Variants in NUP160 observed in about 807,000 individuals in gnomAD.
The protein encoded by NUP160 is nucleoporin 160, also known as nuclear pore complex protein Nup160.
Under a neutral mutation model 196.9 loss-of-function variants are expected in NUP160, and 94 were observed. The observed-to-expected ratio is 0.48, with a 90% CI of 0.40 to 0.57. NUP160 has a LOEUF of 0.57. NUP160 is among the 20% of genes least tolerant of loss of function. The pLI is 0.00. For missense variants in NUP160, 1,638 were observed against 1,748.3 expected, an observed-to-expected ratio of 0.94 and a Z score of 1.13; for synonymous variants, 605 against 619.7, an observed-to-expected ratio of 0.98 and a Z score of 0.35.
At chr11:47,840,650 A>T (rs960138886) in intron 2 of NUP160, 62 bp from the exon 3 acceptor site, 8 of 1,325,980 alleles carry the variant, frequency 6.0e-6, no homozygotes, top group Non-Finnish European at 8.3e-6. Context: ...GTTCTACTGA[A>T]ATATATGAGA....
At position 47,788,209 on chromosome 11, in the gene NUP160, G is replaced by A. The variant is rs535059681; in HGVS notation, c.3719C>T (p.Thr1240Met). 5.3e-5 allele frequency: 85 copies of A among 1,613,672 alleles called. No individual in the cohort carries two copies. The highest frequency in any genetic ancestry group is 1.6e-4 in the Middle Eastern group (1 of 6,062). The change falls in exon 31 of 36, where the codon ACG becomes ATG. Residue 1240 changes from threonine (T) to methionine (M), a missense_variant. Physicochemically the swap from Thr to Met is moderately conservative, Grantham distance 81 (BLOSUM62 -1). Coordinates refer to ENST00000378460, the Ensembl canonical transcript of NUP160. ...GAAGGCAAGCCCTTCAAAGACTGGCGTTAAGGGAAGCTTAAAAGTCTGACA... is the reference window on the plus strand; with the variant it reads ...GAAGGCAAGCCCTTCAAAGACTGGCATTAAGGGAAGCTTAAAAGTCTGACA...
chr11:47,837,709 A>C (rs926223632), intron 4 of NUP160, 86 bp from the exon 5 acceptor site: 10 of 972,298 alleles, frequency 1.0e-5, no homozygotes, highest in South Asian at 2.7e-5. Context: ...GGTCTTTATA[A>C]TAGGCAACAG....
intron 7 of NUP160, among the ~76,000 whole-genome samples, chr11:47,832,839 C>T (rs1169458065): frequency 1.3e-5 from 2 of 152,174 alleles, no homozygotes; most frequent in African/African-American, 4.8e-5. Flanking sequence ...ACAACACATG[C>T]TACATGGATG....
chr11:47,812,972 A>G, exon 15 of NUP160: 1 of 1,612,042 alleles, frequency 6.2e-7, no homozygotes, highest in South Asian at 1.1e-5. Flanking sequence ...TATAACTGAC[A>G]TATCCACAGT....
At chr11:47,815,627 T>A (rs1001497638) in exon 13 of NUP160, 16 of 1,605,914 alleles carry the variant, frequency 1.0e-5, no homozygotes, top group Non-Finnish European at 1.3e-5. Context: ...GGAGAATTCA[T>A]ACTCTGTTAC....
At chr11:47,818,243 G>T in intron 10 of NUP160, 119 bp from the exon 11 acceptor site, 1 of 660,192 alleles carries the variant, frequency 1.5e-6, no homozygotes, top group Non-Finnish European at 2.8e-6. Context: ...TTCTATATGT[G>T]GGCAATAACA....
chr11:47,830,069 A>C (rs1852044570), intron 7 of NUP160, among the ~76,000 whole-genome samples: 1 of 152,220 alleles, frequency 6.6e-6, no homozygotes. Context: ...ATGAACAGAC[A>C]CTTTTCAAAA....
intron 35 of NUP160, among the ~76,000 whole-genome samples, chr11:47,779,881 C>T (rs1409454044): frequency 6.6e-6 from 1 of 152,150 alleles, no homozygotes; most frequent in Non-Finnish European, 1.5e-5. Context: ...GTGCCCGCCA[C>T]CATGCCTGGC....
At chr11:47,782,637 G>A (rs2097662102) in intron 34 of NUP160, among the ~76,000 whole-genome samples, 1 of 151,446 alleles carries the variant, frequency 6.6e-6, no homozygotes, top group Non-Finnish European at 1.5e-5. Context: ...GGTTGTATGA[G>A]TATTTTATTT....
chr11:47,787,482 T>C (rs1302978326), intron 31 of NUP160, among the ~76,000 whole-genome samples: 3 of 149,726 alleles, frequency 2.0e-5, no homozygotes, highest in Non-Finnish European at 4.4e-5. Flanking sequence ...CAGGCTCGAG[T>C]GCAGAGGCGC....
chr11:47,822,026 G>T, intron 8 of NUP160, 61 bp downstream of exon 8: 1 of 1,148,494 alleles, frequency 8.7e-7, no homozygotes, highest in Non-Finnish European at 1.3e-6. Flanking sequence ...TACCATAACA[G>T]AGTTAGTCAA....
exon 28 of NUP160, chr11:47,792,862 T>C: frequency 1.9e-6 from 3 of 1,614,204 alleles, no homozygotes; most frequent in Non-Finnish European, 1.7e-6. Flanking sequence ...AGCAGCCAGA[T>C]AACAGTTGCC....
In NUP160 at chr11:47,819,362, G is replaced by A. The variant is rs202141453; in HGVS notation, c.1362+12C>T. ...AATCATTCCCTTATATAACATTTGAGCATCTACTTACTCTGGGGTCTTGAT... is the reference window on the plus strand; with the variant it reads ...AATCATTCCCTTATATAACATTTGAACATCTACTTACTCTGGGGTCTTGAT... On this transcript the variant is annotated intron_variant, in intron 10 of 35. Transcript: ENST00000378460. 1.7e-5 allele frequency: 27 copies of A among 1,545,778 alleles called. No individual in the cohort carries two copies. Among genetic ancestry groups the A allele is most frequent in the Non-Finnish European group, 2.1e-5 (24 of 1,119,986 alleles).
rs747017117 is a variant in NUP160 at position 47,783,159 on chromosome 11, A to G, written c.4030T>C (p.Tyr1344His). The G allele has an allele frequency of 1.9e-6, 3 of 1,613,932 alleles. No individual in the cohort carries two copies. In the Admixed American group the frequency reaches 5.0e-5, roughly 27 times the overall value. The change falls in exon 34 of 36, where the codon TAT becomes CAT. Residue 1344 changes from tyrosine (Y) to histidine (H), a missense_variant. Coordinates refer to ENST00000378460, the Ensembl canonical transcript of NUP160. ...TCCACAGCTTCTTCTAAAAGGTCAT[A>G]GTTTAAGTATAAACGAAGCAATTCA...
At position 47,782,302 on chromosome 11, in the gene NUP160, AAATATATATATATATATATATATAT is replaced by A. The variant is rs1365667744; in HGVS notation, c.4116+746_4116+770del. 7.8e-3 allele frequency among the ~76,000 whole-genome samples: 333 copies of A among 42,602 alleles called. 20 individuals are homozygous for A. The highest frequency in any genetic ancestry group is 0.028 in the South Asian group (23 of 832). The allele number at this position is 42,602 out of a possible 152,430, so 27.9% of individuals were successfully genotyped here. A position where few individuals can be genotyped will look rare whatever the true frequency, so the allele number is the denominator to read the frequency against. ...GCAAAACTCAGTTAAAAAAAAAAAA[AAATATATATATATATATATATATAT>A]ATATATATATATATATATATATATA... On this transcript the variant is annotated intron_variant, in intron 34 of 35. Coordinates refer to ENST00000378460, the Ensembl canonical transcript of NUP160.
At chr11:47,794,441 C>T (rs1422033886) in intron 27 of NUP160, among the ~76,000 whole-genome samples, 1 of 152,104 alleles carries the variant, frequency 6.6e-6, no homozygotes, top group African/African-American at 2.4e-5. Flanking sequence ...CGCCACTGCA[C>T]TCCAGCCTGG....
At chr11:47,832,444 C>T (rs1475406968) in intron 7 of NUP160, among the ~76,000 whole-genome samples, 3 of 152,198 alleles carry the variant, frequency 2.0e-5, no homozygotes, top group African/African-American at 7.2e-5. Flanking sequence ...TCCCCAATTA[C>T]TTCTGTAAAT....
intron 7 of NUP160, among the ~76,000 whole-genome samples, chr11:47,831,280 G>A (rs549431569): frequency 1.3e-5 from 2 of 152,190 alleles, no homozygotes; most frequent in South Asian, 4.1e-4. Context: ...TTAGTTATCA[G>A]GAAATTAAAA....
At chr11:47,836,352 G>C (rs1322612980) in intron 6 of NUP160, among the ~76,000 whole-genome samples, 1 of 152,160 alleles carries the variant, frequency 6.6e-6, no homozygotes, top group East Asian at 1.9e-4. Flanking sequence ...TTTTTTAGAT[G>C]AATCTTGAAA....
Sources: gnomAD v4.1 joint callset for allele counts (sites outside exome capture counted in the v4.1 genomes callset) on GRCh38, gnomAD v4.1.1 for gene constraint, MANE v1.5 for transcripts, NCBI Gene and HGNC (gene_info 2026-07-23, HGNC 2026-07-21) for gene names.